STRN3: variants seen among roughly 807,000 people sequenced by gnomAD.
STRN3 encodes striatin 3.
Under a neutral mutation model 95.6 loss-of-function variants are expected in STRN3, and 29 were observed. The ratio of observed to expected loss-of-function variants is 0.30; its 90% CI spans 0.23 to 0.41. STRN3 has a LOEUF of 0.41. Among genes scored for constraint, STRN3 ranks in the 10% least tolerant of loss-of-function variants. The pLI is 1.00. For missense variants in STRN3, 890 were observed against 972.1 expected (o/e 0.92, Z 1.12); for synonymous variants, 331 against 357.6 (o/e 0.93, Z 0.84).
At chr14:30,915,091 A>ATGAG (rs1896704118) in intron 9 of STRN3, among the ~76,000 whole-genome samples, 1 of 152,176 alleles carries the variant, frequency 6.6e-6, no homozygotes. Flanking sequence ...ATATCAAAAC[A>ATGAG]CACTTAAAAT....
chr14:30,940,122 C>T (rs1879023534), intron 5 of STRN3, among the ~76,000 whole-genome samples: 2 of 152,130 alleles, frequency 1.3e-5, no homozygotes, highest in Admixed American at 1.3e-4. Context: ...TCAAAATCCT[C>T]AAACACATAA....
intron 1 of STRN3, among the ~76,000 whole-genome samples, chr14:30,982,470 G>A (rs760301808): frequency 2.0e-5 from 3 of 152,084 alleles, no homozygotes; most frequent in Non-Finnish European, 4.4e-5. Flanking sequence ...ACCACTCCCG[G>A]CTAATTTTTT....
chr14:30,909,882 C>T (rs1225401059), intron 13 of STRN3, among the ~76,000 whole-genome samples: 1 of 152,214 alleles, frequency 6.6e-6, no homozygotes, highest in Non-Finnish European at 1.5e-5. Context: ...ACTTTATCTA[C>T]TCAACATAAT....
chr14:30,913,059 TC>T (rs1896650571), intron 10 of STRN3, among the ~76,000 whole-genome samples: 1 of 152,024 alleles, frequency 6.6e-6, no homozygotes, highest in African/African-American at 2.4e-5. Flanking sequence ...CACTCCCCAA[TC>T]CTCTAATGAA....
chr14:30,988,908 T>C (rs1190212017), intron 1 of STRN3, among the ~76,000 whole-genome samples: 1 of 152,202 alleles, frequency 6.6e-6, no homozygotes, highest in African/African-American at 2.4e-5. Context: ...TAATGAATTA[T>C]AATTATTTTA....
chr14:30,971,597 G>A (rs959349771), intron 1 of STRN3, among the ~76,000 whole-genome samples: 2 of 152,206 alleles, frequency 1.3e-5, no homozygotes, highest in Admixed American at 6.5e-5. Flanking sequence ...CCTTAGACAC[G>A]ATATTAGCAG....
intron 8 of STRN3, among the ~76,000 whole-genome samples, chr14:30,923,756 CATT>C (rs771567366): frequency 1.3e-5 from 2 of 152,112 alleles, no homozygotes; most frequent in Non-Finnish European, 2.9e-5. Flanking sequence ...AAGGAAAATA[CATT>C]ATTATAATCC....
At position 30,895,064 on chromosome 14, in the gene STRN3, AAAAAAAAAAAAAAAAGAAG is replaced by A. The variant is rs2138921231; in HGVS notation, c.*328_*346del. The A allele has an allele frequency of 4.9e-6, 1 of 204,710 alleles. No homozygotes were observed. The highest frequency in any genetic ancestry group is 2.5e-5 in the African/African-American group (1 of 40,702). 12.7% of individuals were successfully genotyped at this position (204,710 alleles called of 1,614,324 possible). A position where few individuals can be genotyped will look rare whatever the true frequency, so the allele number is the denominator to read the frequency against. ...CAGCACACAGAGTCCAAAAAAAAAA[AAAAAAAAAAAAAAAAGAAG>A]AAGAAGAAGAGAAAAAAAAAAACTT... On this transcript the variant is annotated 3_prime_UTR_variant, in exon 18 of 18. Coordinates refer to ENST00000357479, the MANE Select transcript of STRN3 (RefSeq NM_001083893.2).
At chr14:31,024,234 G>A (rs1382380208) in intron 1 of STRN3, among the ~76,000 whole-genome samples, 2 of 152,154 alleles carry the variant, frequency 1.3e-5, no homozygotes, top group African/African-American at 4.8e-5. Context: ...CAGTACAAAG[G>A]TCTAAGAAAC....
chr14:31,015,883 CA>C (rs928839866), intron 1 of STRN3, among the ~76,000 whole-genome samples: 16 of 152,172 alleles, frequency 1.1e-4, no homozygotes, highest in African/African-American at 3.9e-4. Flanking sequence ...ACCGTAGCCA[CA>C]ACCTCTGGGG....
intron 1 of STRN3, among the ~76,000 whole-genome samples, chr14:30,962,200 T>C (rs1427743847): frequency 6.6e-6 from 1 of 152,072 alleles, no homozygotes; most frequent in Non-Finnish European, 1.5e-5. Context: ...ATCAAAATTT[T>C]AAAAACTAGA....
chr14:30,928,032 T>A (rs1878280330), intron 8 of STRN3, among the ~76,000 whole-genome samples: 1 of 152,028 alleles, frequency 6.6e-6, no homozygotes, highest in Non-Finnish European at 1.5e-5. Flanking sequence ...ATACTCAGCA[T>A]GCTTGCATTA....
intron 1 of STRN3, among the ~76,000 whole-genome samples, chr14:30,963,499 C>G (rs1356373784): frequency 6.6e-6 from 1 of 152,226 alleles, no homozygotes; most frequent in Non-Finnish European, 1.5e-5. Flanking sequence ...ACCTCCAGCT[C>G]CTGGGTTCAA....
chr14:30,905,274 AATAAGT>A (rs1384662084), intron 15 of STRN3, 138 bp downstream of exon 15: 15 of 901,698 alleles, frequency 1.7e-5, no homozygotes, highest in Admixed American at 1.6e-4. Flanking sequence ...ACATAATATA[AATAAGT>A]ATAACTGTAA....
chr14:31,007,025 C>T (rs1295095139), intron 1 of STRN3, among the ~76,000 whole-genome samples: 2 of 152,094 alleles, frequency 1.3e-5, no homozygotes, highest in South Asian at 2.1e-4. Context: ...AGTATATTTC[C>T]AAACTACCAA....
chr14:30,953,736 C>T (rs868348556), intron 3 of STRN3, among the ~76,000 whole-genome samples: 1 of 152,128 alleles, frequency 6.6e-6, no homozygotes, highest in South Asian at 2.1e-4. Context: ...CTCACGCAAT[C>T]CTCCTACTTC....
chr14:31,026,116 G>A lies in STRN3; in HGVS notation c.70C>T (p.Pro24Ser), dbSNP rs1883894415. ...GGCGAAAGGCCCAGGTTCCCCCCAG[G>A]TCCCTGCTGCTGCCGGGGAGGGGCC... ...MAAPPRQQQG[P>S]GGNLGLSPGG... Residue 24 changes from proline to serine, a missense_variant, in exon 1 of 18, where the codon CCT becomes TCT. By Grantham distance (74) the Pro-to-Ser change is moderately conservative. Coordinates refer to ENST00000357479, the MANE Select transcript of STRN3 (RefSeq NM_001083893.2). 6.0e-6 allele frequency: 9 copies of A among 1,510,398 alleles called. No homozygotes were observed. The highest frequency in any genetic ancestry group is 1.2e-5 in the South Asian group (1 of 80,922). 93.6% of individuals were successfully genotyped at this position (1,510,398 alleles called of 1,614,324 possible).
chr14:30,984,183 C>T (rs1402446532), intron 1 of STRN3, among the ~76,000 whole-genome samples: 1 of 105,626 alleles, frequency 9.5e-6, no homozygotes, highest in Non-Finnish European at 1.7e-5. Flanking sequence ...AAATGTATTT[C>T]TTTTCATGAA....
At chr14:30,917,902 A>G (rs1281237117) in intron 9 of STRN3, among the ~76,000 whole-genome samples, 1 of 152,212 alleles carries the variant, frequency 6.6e-6, no homozygotes, top group Non-Finnish European at 1.5e-5. Context: ...AACTTAATAC[A>G]TATGCCAAAT....
Sources: gnomAD v4.1 joint callset for allele counts (sites outside exome capture counted in the v4.1 genomes callset) on GRCh38, gnomAD v4.1.1 for gene constraint, MANE v1.5 for transcripts, NCBI Gene and HGNC (gene_info 2026-07-23, HGNC 2026-07-21) for gene names.